CLRN2: variants seen among roughly 807,000 people sequenced by gnomAD.
The protein encoded by CLRN2 is clarin-2.
CLRN2 carries 17 observed loss-of-function variants against 20.1 expected under a neutral mutation model. The ratio of observed to expected loss-of-function variants is 0.85; its 90% confidence interval spans 0.58 to 1.27. The LOEUF is 1.27. CLRN2 is among the 50% of genes most tolerant of loss of function. CLRN2 has a pLI of 0.00. For synonymous variants in CLRN2, 140 were observed against 126.9 expected, an observed-to-expected ratio of 1.10 and a Z score of -0.70; for missense variants, 288 against 299.5, an observed-to-expected ratio of 0.96 and a Z score of 0.28.
At chr4:17,523,397 A>G (rs2597787) in intron 2 of CLRN2, among the ~76,000 whole-genome samples, 149,113 of 151,926 alleles carry the variant, frequency 0.98, 73,237 homozygotes, top group East Asian at 1. Context: ...TGTATTTTTT[A>G]TAGAGACAGG....
intron 2 of CLRN2, among the ~76,000 whole-genome samples, chr4:17,525,363 C>T (rs567252822): frequency 1.3e-5 from 2 of 152,218 alleles, no homozygotes; most frequent in Admixed American, 6.5e-5. Flanking sequence ...AAGCCTGGCA[C>T]GGTGGCTCAC....
chr4:17,524,216 G>GTGTT (rs1711903983), intron 2 of CLRN2, among the ~76,000 whole-genome samples: 1 of 150,590 alleles, frequency 6.6e-6, no homozygotes, highest in Non-Finnish European at 1.5e-5. Context: ...GTGTGTGTGT[G>GTGTT]TGTGTGTGTG....
chr4:17,522,206 A>C (rs1711850549), intron 1 of CLRN2, among the ~76,000 whole-genome samples: 1 of 152,178 alleles, frequency 6.6e-6, no homozygotes, highest in South Asian at 2.1e-4. Context: ...GATTATCCTC[A>C]ATTCATATGC....
In CLRN2 at chr4:17,526,800, AC is replaced by A; in HGVS notation, c.434-15del. On this transcript the variant is annotated splice_polypyrimidine_tract_variant and intron_variant, in intron 2 of 2. Coordinates refer to ENST00000511148, the MANE Select transcript of CLRN2 (RefSeq NM_001079827.2). ...CAAAAAGGAGCCGTGAATGAGGGTG[AC>A]CTTTTTGAGTTTCAGGCGGCGTCGT... is the stretch of plus-strand genomic sequence containing the variant. 6.2e-7 allele frequency: 1 copy of A among 1,612,960 alleles called. No individual in the cohort carries two copies. Among genetic ancestry groups the A allele is most frequent in the Non-Finnish European group, 8.5e-7 (1 of 1,179,062 alleles).
intron 1 of CLRN2, among the ~76,000 whole-genome samples, chr4:17,522,371 T>A (rs1285028352): frequency 2.0e-5 from 3 of 152,248 alleles, no homozygotes; most frequent in African/African-American, 4.8e-5. Context: ...TATTATGTTA[T>A]GTCATTTCAT....
At chr4:17,523,183 G>C in intron 2 of CLRN2, 140 bp downstream of exon 2, 1 of 526,208 alleles carries the variant, frequency 1.9e-6, no homozygotes, top group Non-Finnish European at 3.3e-6. Context: ...TTCTTGATGG[G>C]CATGGAATGA....
intron 1 of CLRN2, among the ~76,000 whole-genome samples, chr4:17,516,134 T>A (rs1024538177): frequency 6.6e-6 from 1 of 152,228 alleles, no homozygotes; most frequent in African/African-American, 2.4e-5. Flanking sequence ...GGAATCAGAC[T>A]ACCCTGGCTG....
Position 17,515,395 on chromosome 4 carries a change from A to G in CLRN2, c.129A>G (p.Gly43=). 6.2e-7 allele frequency: 1 copy of G among 1,613,906 alleles called. No homozygotes were observed. Residue 43 remains glycine, a synonymous_variant, in exon 1 of 3, where the codon GGA becomes GGG. Transcript: ENST00000511148. ...GTGGGAAAATCCTTTGTCAGACTGG[A>G]GTGGATCTGGTCAACGCCACAGACA... ...WLSGKILCQT[G]VDLVNATDRE... is the part of the protein sequence containing the mutation.
At position 17,527,018 on chromosome 4, in the gene CLRN2, C is replaced by T. The variant is rs895523850; in HGVS notation, c.635C>T (p.Pro212Leu). Residue 212 changes from proline (P) to leucine (L), a missense_variant, in exon 3 of 3, where the codon CCC (proline) becomes CTC (leucine). Coordinates refer to ENST00000511148, the MANE Select transcript of CLRN2 (RefSeq NM_001079827.2). ...GTCGTGGTGGCGATCAGTCAAATTCCCCTCCCTGAGATTAAGACCAAAATC... is the reference window on the plus strand; with the variant it reads ...GTCGTGGTGGCGATCAGTCAAATTCTCCTCCCTGAGATTAAGACCAAAATC... ...NLVVVAISQI[P>L]LPEIKTKIEE... 62 of 1,613,988 alleles carry T rather than the reference C, an allele frequency of 3.8e-5. No homozygotes were observed. The highest frequency in any genetic ancestry group is 5.3e-5 in the Non-Finnish European group (62 of 1,179,888).
At chr4:17,518,194 G>T (rs908134950) in intron 1 of CLRN2, among the ~76,000 whole-genome samples, 22 of 152,088 alleles carry the variant, frequency 1.4e-4, no homozygotes, top group African/African-American at 5.3e-4. Context: ...CATCACAGAG[G>T]CCTCCCCAAA....
intron 1 of CLRN2, among the ~76,000 whole-genome samples, chr4:17,518,922 C>G (rs999053924): frequency 6.6e-6 from 1 of 152,154 alleles, no homozygotes; most frequent in Non-Finnish European, 1.5e-5. Context: ...TTATTACGCC[C>G]ATTTTACTGA....
intron 2 of CLRN2, 45 bp from the exon 3 acceptor site, chr4:17,526,772 T>C: frequency 6.2e-7 from 1 of 1,607,010 alleles, no homozygotes; most frequent in Non-Finnish European, 8.5e-7. Context: ...TCTTACAGAG[T>C]TGCAAAAAGG....
At chr4:17,521,827 C>G (rs991972126) in intron 1 of CLRN2, among the ~76,000 whole-genome samples, 9 of 152,192 alleles carry the variant, frequency 5.9e-5, no homozygotes, top group African/African-American at 2.2e-4. Context: ...TTGGTCATTA[C>G]AGCTGAGCCC....
chr4:17,520,095 T>A (rs1349355389), intron 1 of CLRN2, among the ~76,000 whole-genome samples: 2 of 152,132 alleles, frequency 1.3e-5, no homozygotes, highest in African/African-American at 4.8e-5. Context: ...GGCCCAAGAA[T>A]GTGGGGGTTG....
In CLRN2 at chr4:17,515,480, C is replaced by T. The variant is rs377432007; in HGVS notation, c.214C>T (p.Arg72Trp). 183 of 1,613,896 alleles carry T rather than the reference C, an allele frequency of 1.1e-4. 1 individual carries two copies. Among genetic ancestry groups the T allele is most frequent in the African/African-American group, 4.8e-4 (36 of 75,030 alleles). The stretch of plus-strand genomic sequence containing the variant: ...CGGGCTCTTCCGAGGGTGTAAAGTG[C>T]GGCAGTGTGGGCTTGGGGGCCGCCA... ...YYGLFRGCKV[R>W]QCGLGGRQSQ... The change falls in exon 1 of 3, where the codon CGG becomes TGG. Residue 72 changes from arginine (R) to tryptophan (W), a missense_variant. Physicochemically the swap from Arg to Trp is moderately radical, Grantham distance 101. Coordinates refer to ENST00000511148, the MANE Select transcript of CLRN2 (RefSeq NM_001079827.2).
intron 1 of CLRN2, among the ~76,000 whole-genome samples, chr4:17,519,266 C>T (rs1371295294): frequency 2.0e-5 from 3 of 152,306 alleles, no homozygotes; most frequent in Non-Finnish European, 2.9e-5. Flanking sequence ...AATGATTAAT[C>T]AATTCTGCTT....
chr4:17,518,483 G>T (rs1003652087), intron 1 of CLRN2, among the ~76,000 whole-genome samples: 1 of 152,154 alleles, frequency 6.6e-6, no homozygotes, highest in South Asian at 2.1e-4. Flanking sequence ...ACATCTGGCC[G>T]GGTACAGTGG....
In CLRN2 at chr4:17,526,981, G is replaced by T; in HGVS notation, c.598G>T (p.Ala200Ser). 1 of 1,613,954 alleles carries T rather than the reference G, an allele frequency of 6.2e-7. No homozygotes were observed. The highest frequency in any genetic ancestry group is 8.5e-7 in the Non-Finnish European group (1 of 1,179,838). ...WICVASASAH[A>S]ANLVVVAISQ... ...CTGCGTGGCCAGCGCTTCGGCCCATGCTGCAAACTTGGTCGTGGTGGCGAT... is the reference window on the plus strand; with the variant it reads ...CTGCGTGGCCAGCGCTTCGGCCCATTCTGCAAACTTGGTCGTGGTGGCGAT... The change falls in exon 3 of 3, where the codon GCT becomes TCT. Residue 200 changes from alanine (A) to serine (S), a missense_variant. Ala to Ser is a moderately conservative substitution (Grantham distance 99). Transcript: ENST00000511148.
At chr4:17,524,392 C>A (rs188463275) in intron 2 of CLRN2, among the ~76,000 whole-genome samples, 1 of 152,132 alleles carries the variant, frequency 6.6e-6, no homozygotes, top group African/African-American at 2.4e-5. Context: ...ACCATTAGAA[C>A]AATAATCCCT....
Sources: gnomAD v4.1 joint callset for allele counts (sites outside exome capture counted in the v4.1 genomes callset) on GRCh38, gnomAD v4.1.1 for gene constraint, MANE v1.5 for transcripts, NCBI Gene and HGNC (gene_info 2026-07-23, HGNC 2026-07-21) for gene names.